The following BCAS4 variants were observed in gnomAD, a reference collection of about 807,000 sequenced individuals.
BCAS4 encodes the protein breast carcinoma-amplified sequence 4.
BCAS4 carries 9 observed loss-of-function variants against 15.7 expected under a neutral mutation model. That is an observed-to-expected ratio of 0.57 (90% confidence interval 0.34 to 1.00). The LOEUF (loss-of-function observed/expected upper bound fraction) is 1.00, where lower values mean the gene tolerates loss of function less well. Among genes scored for constraint, BCAS4 ranks in the 50% least tolerant of loss-of-function variants. The pLI is 0.02. For missense variants in BCAS4, 225 were observed against 239.1 expected, an observed-to-expected ratio of 0.94 and a Z score of 0.39; for synonymous variants, 101 against 99.5, an observed-to-expected ratio of 1.02 and a Z score of -0.09.
Position 50,873,242 on chromosome 20 carries a change from G to A in BCAS4, c.400-3244G>A, listed in dbSNP as rs570616193. On this transcript the variant is annotated intron_variant, in intron 4 of 4. Transcript: ENST00000371608. Reference sequence around the variant, plus strand: ...CCATTTTTAGAATCCATCTCCTTGAGGGAGGAGACAGAAACTCCATCCCTC... The same window carrying A: ...CCATTTTTAGAATCCATCTCCTTGAAGGAGGAGACAGAAACTCCATCCCTC... 1.2e-4 allele frequency among the ~76,000 whole-genome samples: 18 copies of A among 152,308 alleles called. No homozygotes were observed. In the South Asian group the frequency reaches 2.7e-3, roughly 23 times the overall value.
intron 2 of BCAS4, among the ~76,000 whole-genome samples, chr20:50,826,787 A>G (rs1200813709): frequency 6.6e-6 from 1 of 152,064 alleles, no homozygotes; most frequent in Admixed American, 6.6e-5. Flanking sequence ...TGGACATCAC[A>G]GTGAAACCCT....
At chr20:50,831,010 A>G (rs1055707229) in intron 3 of BCAS4, among the ~76,000 whole-genome samples, 14 of 152,154 alleles carry the variant, frequency 9.2e-5, no homozygotes, top group Non-Finnish European at 1.9e-4. Flanking sequence ...TAAATATACA[A>G]TGTATACACG....
intron 4 of BCAS4, among the ~76,000 whole-genome samples, chr20:50,870,966 G>A (rs747560044): frequency 2.0e-5 from 3 of 152,280 alleles, no homozygotes; most frequent in Non-Finnish European, 2.9e-5. Flanking sequence ...CCAGAGCAGA[G>A]AACATTCCTG....
At chr20:50,829,166 G>T (rs534284074) in intron 2 of BCAS4, among the ~76,000 whole-genome samples, 1 of 152,198 alleles carries the variant, frequency 6.6e-6, no homozygotes. Context: ...CTGAAAGTGC[G>T]GATTCTCAAA....
intron 4 of BCAS4, among the ~76,000 whole-genome samples, chr20:50,859,071 G>A (rs1423022895): frequency 6.6e-6 from 1 of 151,968 alleles, no homozygotes; most frequent in Non-Finnish European, 1.5e-5. Flanking sequence ...AAGTAGCTGA[G>A]AGACTACAGG....
At chr20:50,852,479 T>C (rs1347320439) in intron 4 of BCAS4, among the ~76,000 whole-genome samples, 3 of 152,276 alleles carry the variant, frequency 2.0e-5, no homozygotes, top group African/African-American at 7.2e-5. Flanking sequence ...CCTCCCACGC[T>C]CAAGCAGTTC....
At chr20:50,850,720 G>A (rs1024269580) in intron 4 of BCAS4, among the ~76,000 whole-genome samples, 4 of 152,154 alleles carry the variant, frequency 2.6e-5, no homozygotes, top group Non-Finnish European at 4.4e-5. Flanking sequence ...CCTGAGCGGC[G>A]TCCCTGCCCA....
In BCAS4 at chr20:50,851,332, G is replaced by A. The variant is rs552986677; in HGVS notation, c.399+9432G>A. Reference sequence around the variant, plus strand: ...CGACTGTGGAGGGCCGAGGGGTGCCGGGTCCCAGCCCCCACCTACCAGCCC... The same window carrying A: ...CGACTGTGGAGGGCCGAGGGGTGCCAGGTCCCAGCCCCCACCTACCAGCCC... On this transcript the variant is annotated intron_variant, in intron 4 of 4. Transcript: ENST00000371608. The surrounding 1 kb of genome is among the most constrained non-coding windows in gnomAD (Gnocchi z 4.3). Among the ~76,000 whole-genome samples, 30 of 152,202 alleles carry A rather than the reference G, an allele frequency of 2.0e-4. No homozygotes were observed. The highest frequency in any genetic ancestry group is 6.0e-4 in the African/African-American group (25 of 41,544).
intron 4 of BCAS4, among the ~76,000 whole-genome samples, chr20:50,853,818 G>A (rs1459940492): frequency 1.5e-5 from 2 of 136,820 alleles, no homozygotes; most frequent in African/African-American, 3.0e-5. Flanking sequence ...ACTGGGAGGT[G>A]TTTTGTGTAC....
chr20:50,844,389 A>T (rs558705596), intron 4 of BCAS4, among the ~76,000 whole-genome samples: 1 of 152,286 alleles, frequency 6.6e-6, no homozygotes, highest in African/African-American at 2.4e-5. Context: ...AACCATGATC[A>T]TGCCACTCAC....
upstream of BCAS4, chr20:50,794,938 G>C: frequency 8.7e-7 from 1 of 1,153,946 alleles, no homozygotes. Context: ...CTGGAGCTGC[G>C]AGCCGCGACC....
intron 3 of BCAS4, among the ~76,000 whole-genome samples, chr20:50,839,152 A>G (rs1479921091): frequency 1.3e-5 from 2 of 152,192 alleles, no homozygotes; most frequent in African/African-American, 2.4e-5. Context: ...AATCTTTTCT[A>G]TTTTACTAAT....
rs201932513 is a variant in BCAS4 at position 50,818,234 on chromosome 20, C to T, written c.114C>T (p.Ile38=). Residue 38 remains isoleucine (I), a synonymous_variant, in exon 2 of 5, where the codon ATC becomes ATT. Transcript: ENST00000371608. ...AGGCGAAGGAGGTGGAGGAGACCATCGAGGGCATGCTCCTCAGGCTGGAAG... is the reference window on the plus strand; with the variant it reads ...AGGCGAAGGAGGTGGAGGAGACCATTGAGGGCATGCTCCTCAGGCTGGAAG... ...GAEAKEVEET[I]EGMLLRLEEF... The T allele has an allele frequency of 2.0e-5, 32 of 1,613,826 alleles. No homozygotes were observed. The highest frequency in any genetic ancestry group is 1.7e-4 in the Middle Eastern group (1 of 6,058).
At chr20:50,878,279 C>T (rs1488413576), downstream of BCAS4, 1 of 152,118 alleles carries the variant, frequency 6.6e-6, no homozygotes, top group African/African-American at 2.4e-5. Flanking sequence ...AAGCTATTTT[C>T]CTGCCTCAGC....
intron 3 of BCAS4, among the ~76,000 whole-genome samples, chr20:50,839,586 T>C (rs1040476632): frequency 3.3e-5 from 5 of 152,212 alleles, no homozygotes; most frequent in Non-Finnish European, 4.4e-5. Flanking sequence ...CACTGCAACC[T>C]CTGCCTCCCG....
chr20:50,815,204 C>T lies in BCAS4; in HGVS notation c.91-3007C>T, dbSNP rs553993096. ...GGTGAACCCAGAAGTGCCGTGACCA[C>T]GCCGTGCCCTTCCTGAGCAGGCCAG... On this transcript the variant is annotated intron_variant, in intron 1 of 4. Coordinates refer to ENST00000371608, the MANE Select transcript of BCAS4 (RefSeq NM_198799.4). Among the ~76,000 whole-genome samples the T allele has an allele frequency of 7.9e-5, 12 of 152,298 alleles. No homozygotes were observed. In the East Asian group the frequency reaches 1.9e-3, roughly 25 times the overall value.
At chr20:50,858,485 T>C (rs544983765) in intron 4 of BCAS4, among the ~76,000 whole-genome samples, 1 of 152,138 alleles carries the variant, frequency 6.6e-6, no homozygotes, top group East Asian at 1.9e-4. Context: ...GCCTGTAATC[T>C]CAGCTACTTG....
chr20:50,796,677 G>A (rs190784383), intron 1 of BCAS4, among the ~76,000 whole-genome samples: 22,134 of 148,632 alleles, frequency 0.15, 1,697 homozygotes, highest in South Asian at 0.16. Context: ...GTATTTTTCA[G>A]TAGAGACGGG....
At chr20:50,852,641 C>G (rs2123823685) in intron 4 of BCAS4, among the ~76,000 whole-genome samples, 1 of 152,302 alleles carries the variant, frequency 6.6e-6, no homozygotes, top group Non-Finnish European at 1.5e-5. Flanking sequence ...CTTGGTTTCC[C>G]AAAGTGCTGG....
Sources: gnomAD v4.1 joint callset for allele counts (sites outside exome capture counted in the v4.1 genomes callset) on GRCh38, gnomAD v4.1.1 for gene constraint, Gnocchi (gnomAD v3.1) non-coding constraint, MANE v1.5 for transcripts, NCBI Gene and HGNC (gene_info 2026-07-23, HGNC 2026-07-21) for gene names.